PCDH11X: variants seen among roughly 807,000 people sequenced by gnomAD.
PCDH11X encodes the protein protocadherin 11 X-linked.
A neutral mutation model predicts 53.3 loss-of-function variants in PCDH11X; 18 were observed. The ratio of observed to expected loss-of-function variants is 0.34; its 90% confidence interval spans 0.23 to 0.50. The LOEUF is 0.50. Among genes scored for constraint, PCDH11X ranks in the 20% least tolerant of loss-of-function variants. PCDH11X has a pLI of 0.98. For missense variants in PCDH11X, 570 were observed against 1,032.4 expected, an observed-to-expected ratio of 0.55 and a Z score of 6.14; for synonymous variants, 279 against 393.3, an observed-to-expected ratio of 0.71 and a Z score of 3.44.
chrX:92,493,460 C>A (rs762037108), intron 10 of PCDH11X, among the ~76,000 whole-genome samples: 1 of 98,370 alleles, frequency 1.0e-5, no homozygotes, highest in South Asian at 5.9e-4. Flanking sequence ...ATGAACAGGG[C>A]AGTTCATACA....
intron 6 of PCDH11X, among the ~76,000 whole-genome samples, chrX:91,998,289 A>G (rs1035256285): frequency 9.0e-6 from 1 of 110,593 alleles, no homozygotes; most frequent in Non-Finnish European, 1.9e-5. Context: ...TCCAGAAATT[A>G]ATCTATTTCT....
intron 6 of PCDH11X, among the ~76,000 whole-genome samples, chrX:91,989,333 C>G (rs1389415460): frequency 1.8e-5 from 2 of 111,081 alleles, no homozygotes; most frequent in African/African-American, 3.3e-5. Context: ...GAGGCCGAGG[C>G]GGGCAGATCA....
intron 7 of PCDH11X, among the ~76,000 whole-genome samples, chrX:92,255,492 G>A (rs1479157311): frequency 3.1e-5 from 3 of 97,531 alleles, no homozygotes; most frequent in Admixed American, 1.1e-4. Flanking sequence ...GAGGAGCTGC[G>A]TTCCTTTGGA....
chrX:92,604,770 T>C (rs1451745948), intron 10 of PCDH11X, among the ~76,000 whole-genome samples: 1 of 109,041 alleles, frequency 9.2e-6, no homozygotes, highest in Non-Finnish European at 1.9e-5. Flanking sequence ...GTAAGAATCA[T>C]GAGAAAGCTG....
chrX:92,257,957 A>G (rs905393811), intron 7 of PCDH11X, among the ~76,000 whole-genome samples: 1 of 112,232 alleles, frequency 8.9e-6, no homozygotes, highest in African/African-American at 3.2e-5. Flanking sequence ...GAGGTTCTCC[A>G]TGAGGGCTCC....
At chrX:92,354,575 T>G (rs2070143780) in intron 8 of PCDH11X, among the ~76,000 whole-genome samples, 1 of 111,150 alleles carries the variant, frequency 9.0e-6, no homozygotes, top group Non-Finnish European at 1.9e-5. Context: ...GAACAAGAAG[T>G]GAAACTGGAG....
intron 6 of PCDH11X, among the ~76,000 whole-genome samples, chrX:92,051,835 A>T (rs1212250760): frequency 9.0e-6 from 1 of 110,523 alleles, no homozygotes; most frequent in Non-Finnish European, 1.9e-5. Context: ...CTGCAAACTA[A>T]TGAATTTCAT....
intron 8 of PCDH11X, among the ~76,000 whole-genome samples, chrX:92,353,591 G>C (rs912584274): frequency 9.0e-6 from 1 of 110,503 alleles, no homozygotes. Flanking sequence ...GAGTAGGTTC[G>C]ACTAATGCAT....
At chrX:91,844,345 C>G (rs1035285472) in intron 5 of PCDH11X, among the ~76,000 whole-genome samples, 1 of 110,717 alleles carries the variant, frequency 9.0e-6, no homozygotes, top group African/African-American at 3.3e-5. Flanking sequence ...CACTTACCCT[C>G]TTTGGCTTAT....
chrX:92,157,288 T>C (rs1207822646), intron 6 of PCDH11X, among the ~76,000 whole-genome samples: 1 of 111,565 alleles, frequency 9.0e-6, no homozygotes, highest in Non-Finnish European at 1.9e-5. Flanking sequence ...TATCAAATTG[T>C]TTATCTTCTA....
chrX:92,522,306 G>A (rs1334672040), intron 10 of PCDH11X, among the ~76,000 whole-genome samples: 3 of 111,633 alleles, frequency 2.7e-5, no homozygotes, highest in Non-Finnish European at 5.6e-5. Context: ...TCAGGAAATA[G>A]GCCAGAAGAA....
intron 6 of PCDH11X, among the ~76,000 whole-genome samples, chrX:92,092,894 G>T (rs1359784335): frequency 1.8e-5 from 2 of 111,420 alleles, no homozygotes; most frequent in African/African-American, 3.3e-5. Context: ...GAGGTGATTG[G>T]ATGATGGGGG....
At chrX:92,617,967 T>C (rs898255216) in intron 10 of PCDH11X, among the ~76,000 whole-genome samples, 2 of 111,367 alleles carry the variant, frequency 1.8e-5, no homozygotes, top group African/African-American at 3.3e-5. Context: ...CTTGCATGTA[T>C]AGATGAATGA....
At chrX:91,924,039 A>G (rs1375995122) in intron 6 of PCDH11X, among the ~76,000 whole-genome samples, 1 of 109,473 alleles carries the variant, frequency 9.1e-6, no homozygotes, top group African/African-American at 3.3e-5. Context: ...AAAATTTGAA[A>G]TTATCAAAAA....
chrX:92,135,755 G>C (rs972388846), intron 6 of PCDH11X, among the ~76,000 whole-genome samples: 38 of 86,992 alleles, frequency 4.4e-4, no homozygotes, highest in African/African-American at 1.7e-3. Flanking sequence ...GTGTGTGCAT[G>C]TTTGTGTGTG....
chrX:92,603,011 A>G, intron 10 of PCDH11X, among the ~76,000 whole-genome samples: 1 of 103,130 alleles, frequency 9.7e-6, no homozygotes, highest in Non-Finnish European at 1.9e-5. Flanking sequence ...ACTCTGCTTA[A>G]ATAAGTAAAG....
At chrX:92,044,092 C>T (rs1387263593) in intron 6 of PCDH11X, among the ~76,000 whole-genome samples, 2 of 110,732 alleles carry the variant, frequency 1.8e-5, no homozygotes, top group East Asian at 5.7e-4. Context: ...AAATCCTTCA[C>T]TTATTAAATC....
rs775549881 is a variant in PCDH11X, at chrX:91,992,109, AT to A, written c.3033+112846del. On this transcript the variant is annotated intron_variant, in intron 6 of 10. Transcript: ENST00000682573. The stretch of plus-strand genomic sequence containing the variant: ...CTGGAGGGATGCTATTCTGCTCCTT[AT>A]TTTTTTTTTAAATCTTATAGTAACT... Among the ~76,000 whole-genome samples the A allele has an allele frequency of 7.0e-3, 705 of 101,392 alleles. 8 individuals carry two copies. Among genetic ancestry groups the A allele is most frequent in the African/African-American group, 0.024 (663 of 27,785 alleles). The allele number at this position is 101,392 out of a possible 115,157, so 88.0% of individuals were successfully genotyped here.
chrX:91,794,865 C>A (rs1470214016), intron 1 of PCDH11X, among the ~76,000 whole-genome samples: 1 of 110,270 alleles, frequency 9.1e-6, no homozygotes, highest in Non-Finnish European at 1.9e-5. Flanking sequence ...ATGATTGAAT[C>A]ATAGGGGCGG....
Sources: allele counts gnomAD v4.1 joint callset (sites outside exome capture counted in the v4.1 genomes callset), GRCh38; gene constraint gnomAD v4.1.1; transcripts MANE v1.5; gene names NCBI Gene and HGNC (gene_info 2026-07-23, HGNC 2026-07-21).